The following JPH1 variants were observed in gnomAD, a reference collection of about 807,000 sequenced individuals.
JPH1 encodes junctophilin-1.
A neutral mutation model predicts 53.6 loss-of-function variants in JPH1; 12 were observed. The observed-to-expected ratio is 0.22, with a 90% CI of 0.14 to 0.36. The LOEUF is 0.36. Among genes scored for constraint, JPH1 ranks in the 10% least tolerant of loss-of-function variants. The pLI, the probability that JPH1 is intolerant of heterozygous loss-of-function variation, is 1.00. For synonymous variants in JPH1, 375 were observed against 363.8 expected (o/e 1.03, Z -0.35); for missense variants, 808 against 905.5 (o/e 0.89, Z 1.38).
At chr8:74,311,861 T>C (rs1808006990) in intron 2 of JPH1, among the ~76,000 whole-genome samples, 1 of 152,164 alleles carries the variant, frequency 6.6e-6, no homozygotes, top group Non-Finnish European at 1.5e-5. Flanking sequence ...CATCATTTTT[T>C]ATGGCTGCAT....
Position 74,244,601 on chromosome 8 carries a change from C to A in JPH1, c.1833G>T (p.Lys611Asn), listed in dbSNP as rs757963166. ...GATTCTTTGGTATAGCAAGTTCAGA[C>A]TTCTTAGCTTTTGGCTCAGCTTTGC... Reference protein sequence around the residue: ...KESKAEPKAKKSELAIPKNPA... With the variant: ...KESKAEPKAKNSELAIPKNPA... The change falls in exon 4 of 6, where the codon AAG (lysine) becomes AAT (asparagine). Residue 611 changes from lysine (K) to asparagine (N), a missense_variant. Coordinates refer to ENST00000342232, the MANE Select transcript of JPH1 (RefSeq NM_020647.4). The A allele has an allele frequency of 6.2e-7, 1 of 1,614,184 alleles. No individual in the cohort carries two copies.
intron 3 of JPH1, among the ~76,000 whole-genome samples, chr8:74,259,062 A>T (rs570135676): frequency 5.3e-4 from 80 of 152,352 alleles, no homozygotes; most frequent in African/African-American, 1.8e-3. Flanking sequence ...TTAAAAATAT[A>T]CTATAAAATT....
chr8:74,302,183 A>C (rs1454135308), intron 2 of JPH1, among the ~76,000 whole-genome samples: 3 of 152,246 alleles, frequency 2.0e-5, no homozygotes, highest in African/African-American at 7.2e-5. Context: ...GACCACAAGA[A>C]GAGAACAATG....
intron 2 of JPH1, among the ~76,000 whole-genome samples, chr8:74,266,168 C>T (rs1358232446): frequency 6.6e-6 from 1 of 151,690 alleles, no homozygotes; most frequent in Non-Finnish European, 1.5e-5. Context: ...GATATTTATA[C>T]ACCCATGTTC....
At chr8:74,281,423 T>C (rs17253671) in intron 2 of JPH1, among the ~76,000 whole-genome samples, 51,578 of 152,080 alleles carry the variant, frequency 0.34, 9,135 homozygotes, top group South Asian at 0.49. Context: ...TTAAGAGTGA[T>C]GAAAATACTA....
chr8:74,260,606 AGAG>A (rs1234592183), intron 2 of JPH1, among the ~76,000 whole-genome samples: 3 of 147,014 alleles, frequency 2.0e-5, no homozygotes, highest in Admixed American at 6.6e-5. Context: ...AGACAGCAGG[AGAG>A]AGGAGGAGTT....
At chr8:74,308,621 G>C (rs896440422) in intron 2 of JPH1, among the ~76,000 whole-genome samples, 1 of 152,238 alleles carries the variant, frequency 6.6e-6, no homozygotes, top group African/African-American at 2.4e-5. Flanking sequence ...TGACTTCAGA[G>C]TCAGCCCATC....
rs778949541 is a variant in JPH1 at position 74,315,751 on chromosome 8, T to C, written c.380-131A>G. On this transcript the variant is annotated intron_variant, in intron 1 of 5. Transcript: ENST00000342232. This position sits in a 1 kb window ranked among gnomAD's most constrained non-coding sequence, Gnocchi z 6.3. ...CCATTTCCAAGTCAACCCTGGGGGA[T>C]ACTTTGCATCCACTTGTGAATCCCC... 4 of 849,774 alleles carry C rather than the reference T, an allele frequency of 4.7e-6. No homozygotes were observed. The highest frequency in any genetic ancestry group is 6.8e-6 in the Non-Finnish European group (4 of 587,816). 52.6% of individuals were successfully genotyped at this position (849,774 alleles called of 1,614,324 possible).
intron 3 of JPH1, among the ~76,000 whole-genome samples, chr8:74,251,415 G>A (rs1295189601): frequency 6.6e-6 from 1 of 152,156 alleles, no homozygotes; most frequent in Non-Finnish European, 1.5e-5. Flanking sequence ...TGAACTCTCA[G>A]AGGGCAATCT....
At chr8:74,263,626 T>A (rs1586743935) in intron 2 of JPH1, among the ~76,000 whole-genome samples, 1 of 151,986 alleles carries the variant, frequency 6.6e-6, no homozygotes, top group Non-Finnish European at 1.5e-5. Context: ...CGGAGTATAT[T>A]CCCCCTACCC....
At chr8:74,267,146 A>G (rs1806555801) in intron 2 of JPH1, among the ~76,000 whole-genome samples, 1 of 152,244 alleles carries the variant, frequency 6.6e-6, no homozygotes, top group African/African-American at 2.4e-5. Context: ...TGACATAGGC[A>G]TCTGTAGTTG....
intron 2 of JPH1, among the ~76,000 whole-genome samples, chr8:74,297,749 G>A (rs934627674): frequency 1.3e-5 from 2 of 152,186 alleles, no homozygotes; most frequent in Non-Finnish European, 2.9e-5. Context: ...AGTTATAGAT[G>A]TGAATTTCAT....
intron 3 of JPH1, among the ~76,000 whole-genome samples, chr8:74,247,228 G>A (rs767880937): frequency 1.1e-4 from 16 of 152,134 alleles, no homozygotes; most frequent in Non-Finnish European, 2.1e-4. Context: ...GCAGTGTGAT[G>A]TTTACATACT....
chr8:74,292,860 C>T (rs1002445440), intron 2 of JPH1, among the ~76,000 whole-genome samples: 1 of 152,186 alleles, frequency 6.6e-6, no homozygotes, highest in Admixed American at 6.5e-5. Context: ...AAAAGCAAGA[C>T]AAAGACACAG....
At chr8:74,301,226 A>G (rs1197247729) in intron 2 of JPH1, among the ~76,000 whole-genome samples, 2 of 151,974 alleles carry the variant, frequency 1.3e-5, no homozygotes, top group East Asian at 3.9e-4. Context: ...CCCCACTTAA[A>G]TTCTTTCTCC....
intron 2 of JPH1, among the ~76,000 whole-genome samples, chr8:74,300,983 T>A (rs1256530000): frequency 1.3e-5 from 2 of 152,142 alleles, no homozygotes; most frequent in Non-Finnish European, 2.9e-5. Context: ...AATCACTACA[T>A]TTTCTAATTG....
intron 3 of JPH1, among the ~76,000 whole-genome samples, chr8:74,248,443 A>G (rs1366494490): frequency 1.3e-5 from 2 of 152,232 alleles, no homozygotes; most frequent in Non-Finnish European, 1.5e-5. Flanking sequence ...TATGAATTGA[A>G]GCCTAGAAAT....
chr8:74,250,757 C>T (rs1310289764), intron 3 of JPH1, among the ~76,000 whole-genome samples: 8 of 152,186 alleles, frequency 5.3e-5, no homozygotes, highest in African/African-American at 1.9e-4. Flanking sequence ...GTCACCCTTG[C>T]TGGCATAGAA....
chr8:74,289,968 T>G (rs563088413), intron 2 of JPH1, among the ~76,000 whole-genome samples: 1 of 152,176 alleles, frequency 6.6e-6, no homozygotes, highest in Admixed American at 6.5e-5. Flanking sequence ...TGGATTTGGT[T>G]TGCCAGTATT....
Sources: allele counts gnomAD v4.1 joint callset (sites outside exome capture counted in the v4.1 genomes callset), GRCh38; gene constraint gnomAD v4.1.1; non-coding constraint Gnocchi (gnomAD v3.1); transcripts MANE v1.5; gene names NCBI Gene and HGNC (gene_info 2026-07-23, HGNC 2026-07-21).